The following PARD3B variants were observed in gnomAD, a reference collection of about 807,000 sequenced individuals.
PARD3B encodes par-3 family cell polarity regulator beta.
Under a neutral mutation model 130.2 loss-of-function variants are expected in PARD3B, and 103 were observed. The observed-to-expected ratio is 0.79, with a 90% CI of 0.67 to 0.93. The LOEUF (loss-of-function observed/expected upper bound fraction) is 0.93, where lower values mean the gene tolerates loss of function less well. Among genes scored for constraint, PARD3B ranks in the 40% least tolerant of loss-of-function variants. PARD3B has a pLI of 0.00. For synonymous variants in PARD3B, 583 were observed against 553.2 expected (o/e 1.05, Z -0.76); for missense variants, 1,609 against 1,499.2 (o/e 1.07, Z -1.21).
intron 11 of PARD3B, among the ~76,000 whole-genome samples, chr2:205,163,176 T>G (rs1168756271): frequency 6.6e-6 from 1 of 152,088 alleles, no homozygotes; most frequent in African/African-American, 2.4e-5. Flanking sequence ...ACTTTGGGAG[T>G]GGTATGTCTC....
In PARD3B at chr2:205,128,355, G is replaced by T. The variant is rs147980916; in HGVS notation, c.1434+2618G>T. 2.6e-3 allele frequency among the ~76,000 whole-genome samples: 399 copies of T among 152,270 alleles called. 1 individual carries two copies. The highest frequency in any genetic ancestry group is 9.3e-3 in the African/African-American group (386 of 41,542). On this transcript the variant is annotated intron_variant, in intron 10 of 22. Transcript: ENST00000406610. This position sits in a 1 kb window ranked among gnomAD's most constrained non-coding sequence, Gnocchi z 4.5. ...CACAGTTAATACCTTCTTCCTAGAA[G>T]CTATGCCCCTCCACCAGGTAAGGGA...
rs1451041633 is a variant in PARD3B at position 205,351,578 on chromosome 2, A to G, written c.2631-49435A>G. Among the ~76,000 whole-genome samples the G allele has an allele frequency of 6.6e-6, 1 of 152,158 alleles. No homozygotes were observed. Among genetic ancestry groups the G allele is most frequent in the Non-Finnish European group, 1.5e-5 (1 of 68,026 alleles). On this transcript the variant is annotated intron_variant, in intron 18 of 22. Transcript: ENST00000406610. The surrounding 1 kb of genome is among the most constrained non-coding windows in gnomAD (Gnocchi z 4.2). ...ATTTCAGGAAATAAGAATCCAGCTG[A>G]CCAAATAAGAAGGCCCATGGGCAGG...
chr2:204,871,767 T>G, intron 2 of PARD3B, among the ~76,000 whole-genome samples: 1 of 152,256 alleles, frequency 6.6e-6, no homozygotes, highest in East Asian at 1.9e-4. Flanking sequence ...CATTATTTTC[T>G]AAATTCCCTC....
chr2:205,593,915 T>C (rs942182458), intron 22 of PARD3B, among the ~76,000 whole-genome samples: 4 of 152,172 alleles, frequency 2.6e-5, no homozygotes, highest in South Asian at 2.1e-4. Flanking sequence ...ATCCCAACAT[T>C]CCTCCAATGT....
At chr2:205,472,299 A>C (rs1169906127) in intron 20 of PARD3B, among the ~76,000 whole-genome samples, 1 of 152,168 alleles carries the variant, frequency 6.6e-6, no homozygotes, top group Non-Finnish European at 1.5e-5. Flanking sequence ...ATGTGCACAC[A>C]CACACACTTT....
intron 15 of PARD3B, among the ~76,000 whole-genome samples, chr2:205,219,638 A>T (rs953520306): frequency 1.3e-5 from 2 of 152,194 alleles, no homozygotes; most frequent in Non-Finnish European, 2.9e-5. Flanking sequence ...CCAGGTGCCA[A>T]AATTAATTCA....
intron 18 of PARD3B, among the ~76,000 whole-genome samples, chr2:205,329,061 C>T (rs953193040): frequency 6.6e-6 from 1 of 152,152 alleles, no homozygotes; most frequent in African/African-American, 2.4e-5. Flanking sequence ...CTCATTCCCC[C>T]TGCTCCTTCT....
intron 1 of PARD3B, among the ~76,000 whole-genome samples, chr2:204,632,451 A>C (rs1330956368): frequency 1.3e-5 from 2 of 151,838 alleles, no homozygotes; most frequent in Non-Finnish European, 2.9e-5. Flanking sequence ...CTGATCTTTG[A>C]GGTTGCTGAC....
intron 2 of PARD3B, among the ~76,000 whole-genome samples, chr2:204,700,280 A>G (rs187649377): frequency 1.3e-5 from 2 of 152,144 alleles, no homozygotes; most frequent in African/African-American, 4.8e-5. Flanking sequence ...ATAGCATCTG[A>G]TAGCCTCATG....
At chr2:205,223,193 T>A (rs1334040808) in intron 15 of PARD3B, among the ~76,000 whole-genome samples, 1 of 152,038 alleles carries the variant, frequency 6.6e-6, no homozygotes, top group East Asian at 1.9e-4. Context: ...GACTTGAAGA[T>A]GAATAGAGGA....
chr2:205,224,370 CAAAAAA>C (rs1231030778), intron 15 of PARD3B, among the ~76,000 whole-genome samples: 2 of 56,002 alleles, frequency 3.6e-5, no homozygotes, highest in Non-Finnish European at 5.8e-5. Flanking sequence ...GACTCCGTCT[CAAAAAA>C]AAAAAAAAAA....
chr2:204,741,762 TG>T (rs2040018088), intron 2 of PARD3B, among the ~76,000 whole-genome samples: 1 of 152,154 alleles, frequency 6.6e-6, no homozygotes, highest in Non-Finnish European at 1.5e-5. Context: ...GCTGTCCCAG[TG>T]GGGACACAAG....
intron 16 of PARD3B, among the ~76,000 whole-genome samples, chr2:205,296,715 G>T (rs1265723011): frequency 6.7e-6 from 1 of 148,150 alleles, no homozygotes; most frequent in Non-Finnish European, 1.5e-5. Context: ...TTTTCATAAC[G>T]CTGTATTTTT....
intron 1 of PARD3B, among the ~76,000 whole-genome samples, chr2:204,591,266 G>A (rs1039254187): frequency 6.6e-6 from 1 of 152,178 alleles, no homozygotes; most frequent in Non-Finnish European, 1.5e-5. Context: ...GAAGGAGAGA[G>A]GAGCTGATTG....
intron 2 of PARD3B, among the ~76,000 whole-genome samples, chr2:204,896,349 A>G (rs1045349186): frequency 6.6e-6 from 1 of 152,140 alleles, no homozygotes; most frequent in Admixed American, 6.5e-5. Context: ...GTTTCTGGGT[A>G]TTATCTAGAG....
chr2:204,964,765 T>C (rs1691077373), intron 2 of PARD3B, among the ~76,000 whole-genome samples: 1 of 152,188 alleles, frequency 6.6e-6, no homozygotes, highest in Admixed American at 6.5e-5. Context: ...TTAAGTCTAT[T>C]ATTCAATGCA....
rs186540607 is a variant in PARD3B, at chr2:205,354,995, G to A, written c.2631-46018G>A. Reference sequence around the variant, plus strand: ...GAGGAGCCATCTTTGATATAAAATAGGACTTTGTTTAACATTCTTGGGAAG... The same window carrying A: ...GAGGAGCCATCTTTGATATAAAATAAGACTTTGTTTAACATTCTTGGGAAG... On this transcript the variant is annotated intron_variant, in intron 18 of 22. Coordinates refer to ENST00000406610, the MANE Select transcript of PARD3B (RefSeq NM_001302769.2). Among the ~76,000 whole-genome samples the A allele has an allele frequency of 2.2e-4, 34 of 152,260 alleles. No homozygotes were observed. In the East Asian group the frequency reaches 3.5e-3, roughly 16 times the overall value.
intron 19 of PARD3B, among the ~76,000 whole-genome samples, chr2:205,425,603 C>T (rs1331802545): frequency 1.3e-5 from 2 of 151,158 alleles, no homozygotes; most frequent in African/African-American, 4.9e-5. Context: ...TGCTTGGTTC[C>T]AGGCCATGTA....
intron 2 of PARD3B, among the ~76,000 whole-genome samples, chr2:204,747,276 T>A (rs2040274461): frequency 6.6e-6 from 1 of 152,146 alleles, no homozygotes; most frequent in Admixed American, 6.6e-5. Flanking sequence ...TTGTCAAAGA[T>A]CAGATGGTTG....
Sources: gnomAD v4.1 joint callset for allele counts (sites outside exome capture counted in the v4.1 genomes callset) on GRCh38, gnomAD v4.1.1 for gene constraint, Gnocchi (gnomAD v3.1) non-coding constraint, MANE v1.5 for transcripts, NCBI Gene and HGNC (gene_info 2026-07-23, HGNC 2026-07-21) for gene names.